LHFPL6: variants seen among roughly 807,000 people sequenced by gnomAD.
LHFPL6 encodes the protein LHFPL tetraspan subfamily member 6 protein.
Under a neutral mutation model 20.6 loss-of-function variants are expected in LHFPL6, and 9 were observed. The ratio of observed to expected loss-of-function variants is 0.44; its 90% CI spans 0.26 to 0.76. The LOEUF (loss-of-function observed/expected upper bound fraction) is 0.76. LHFPL6 is among the 30% of genes least tolerant of loss of function. The probability of loss-of-function intolerance (pLI) is 0.20; values close to 1 mark genes in which losing one functional copy is unlikely to be tolerated. For missense variants in LHFPL6, 218 were observed against 253.5 expected, an observed-to-expected ratio of 0.86 and a Z score of 0.95; for synonymous variants, 105 against 98.7, an observed-to-expected ratio of 1.06 and a Z score of -0.38.
chr13:39,381,384 A>T (rs1870432344), intron 2 of LHFPL6, among the ~76,000 whole-genome samples: 1 of 152,132 alleles, frequency 6.6e-6, no homozygotes, highest in South Asian at 2.1e-4. Flanking sequence ...CTTTTGTGGA[A>T]TTCTGGGTTG....
intron 2 of LHFPL6, among the ~76,000 whole-genome samples, chr13:39,387,334 G>C (rs1218133791): frequency 6.6e-6 from 1 of 151,912 alleles, no homozygotes; most frequent in Non-Finnish European, 1.5e-5. Flanking sequence ...GGATCACCAG[G>C]TCAGGAGTTC....
chr13:39,352,851 A>C, intron 3 of LHFPL6, among the ~76,000 whole-genome samples: 2 of 73,032 alleles, frequency 2.7e-5, no homozygotes, highest in East Asian at 6.6e-4. Flanking sequence ...ATATATATAA[A>C]TGTATATATA....
intron 2 of LHFPL6, among the ~76,000 whole-genome samples, chr13:39,503,207 G>A (rs1331244184): frequency 4.6e-5 from 7 of 152,220 alleles, no homozygotes; most frequent in South Asian, 2.1e-4. Context: ...TGGACACATC[G>A]CTCCCTCCCT....
Position 39,343,950 on chromosome 13 carries a change from G to GCTT in LHFPL6, c.586_588dup (p.Lys196dup). 1 of 1,613,572 alleles carries GCTT rather than the reference G, an allele frequency of 6.2e-7. No individual in the cohort carries two copies. The highest frequency in any genetic ancestry group is 1.1e-5 in the South Asian group (1 of 91,036). On this transcript the variant is annotated inframe_insertion, in exon 4 of 4. Transcript: ENST00000379589. ...GTAGCTCCATCTCAGTATGGGTAGT[G>GCTT]CTTCTGTTTCTTGCCCGAAAAGCAA...
chr13:39,537,140 G>A (rs1870645988), intron 2 of LHFPL6, among the ~76,000 whole-genome samples: 1 of 152,134 alleles, frequency 6.6e-6, no homozygotes, highest in Admixed American at 6.6e-5. Flanking sequence ...GTGTCTTCCT[G>A]CCTTTCACTC....
intron 2 of LHFPL6, among the ~76,000 whole-genome samples, chr13:39,567,930 AC>A (rs1301986655): frequency 6.6e-6 from 1 of 152,208 alleles, no homozygotes; most frequent in Non-Finnish European, 1.5e-5. Flanking sequence ...AAAAGTATAT[AC>A]CATCTGGCCC....
chr13:39,357,476 T>C (rs998302763), intron 3 of LHFPL6, among the ~76,000 whole-genome samples: 4 of 152,164 alleles, frequency 2.6e-5, no homozygotes, highest in Non-Finnish European at 4.4e-5. Flanking sequence ...CTATTCAACA[T>C]AGTACTGGGC....
At chr13:39,502,558 C>T (rs1175245323) in intron 2 of LHFPL6, among the ~76,000 whole-genome samples, 2 of 152,038 alleles carry the variant, frequency 1.3e-5, no homozygotes, top group African/African-American at 4.8e-5. Context: ...GAGCTTGAGG[C>T]TCCAGTGAGC....
chr13:39,430,497 C>A (rs1224836958), intron 2 of LHFPL6, among the ~76,000 whole-genome samples: 1 of 152,174 alleles, frequency 6.6e-6, no homozygotes. Context: ...TGTCTGAGTG[C>A]AAATCTTCAT....
intron 2 of LHFPL6, among the ~76,000 whole-genome samples, chr13:39,501,712 C>T (rs1329169019): frequency 6.6e-6 from 1 of 152,116 alleles, no homozygotes; most frequent in Admixed American, 6.6e-5. Flanking sequence ...CCATTTACCC[C>T]ATGGAGAGGG....
intron 2 of LHFPL6, among the ~76,000 whole-genome samples, chr13:39,537,371 C>T (rs556906775): frequency 5.9e-5 from 9 of 152,274 alleles, no homozygotes; most frequent in Admixed American, 3.9e-4. Flanking sequence ...CTTAGACTAA[C>T]ACAACAAAAG....
At chr13:39,559,412 G>A (rs559787518) in intron 2 of LHFPL6, among the ~76,000 whole-genome samples, 2 of 152,282 alleles carry the variant, frequency 1.3e-5, no homozygotes, top group East Asian at 1.9e-4. Context: ...GGGGCACTTC[G>A]ATCTCAAAAA....
chr13:39,473,509 T>C (rs997084354), intron 2 of LHFPL6, among the ~76,000 whole-genome samples: 3 of 151,334 alleles, frequency 2.0e-5, no homozygotes, highest in East Asian at 2.0e-4. Flanking sequence ...ATTTTTTTTT[T>C]CCTCCACAGT....
intron 2 of LHFPL6, among the ~76,000 whole-genome samples, chr13:39,393,057 T>C (rs892100445): frequency 6.6e-6 from 1 of 152,198 alleles, no homozygotes; most frequent in African/African-American, 2.4e-5. Context: ...ATTTAATGTA[T>C]ACAGGAAATG....
chr13:39,577,936 C>A (rs1872166644), intron 2 of LHFPL6, among the ~76,000 whole-genome samples: 3 of 151,946 alleles, frequency 2.0e-5, no homozygotes, highest in Admixed American at 6.6e-5. Context: ...CCTGTAATCC[C>A]ATGAGCCCAG....
chr13:39,454,830 T>C (rs1161290924), intron 2 of LHFPL6, among the ~76,000 whole-genome samples: 1 of 152,184 alleles, frequency 6.6e-6, no homozygotes, highest in Non-Finnish European at 1.5e-5. Flanking sequence ...TACTGATACA[T>C]TTAAGGAGTG....
At chr13:39,500,387 G>C (rs552205861) in intron 2 of LHFPL6, among the ~76,000 whole-genome samples, 2 of 151,922 alleles carry the variant, frequency 1.3e-5, no homozygotes, top group East Asian at 3.9e-4. Context: ...TTTTGTGTCT[G>C]GGACTATAGG....
chr13:39,589,006 G>A (rs924951232), intron 2 of LHFPL6, among the ~76,000 whole-genome samples: 4 of 152,206 alleles, frequency 2.6e-5, no homozygotes, highest in African/African-American at 9.6e-5. Context: ...GAGACCCATG[G>A]AGGGTAATTA....
chr13:39,571,327 T>G (rs986183828), intron 2 of LHFPL6, among the ~76,000 whole-genome samples: 1 of 152,162 alleles, frequency 6.6e-6, no homozygotes, highest in Non-Finnish European at 1.5e-5. Flanking sequence ...CTTCACCTAT[T>G]TTACATATCC....
Sources: gnomAD v4.1 joint callset for allele counts (sites outside exome capture counted in the v4.1 genomes callset) on GRCh38, gnomAD v4.1.1 for gene constraint, MANE v1.5 for transcripts, NCBI Gene and HGNC (gene_info 2026-07-23, HGNC 2026-07-21) for gene names.